The following NXN variants were observed in gnomAD, a reference collection of about 807,000 sequenced individuals.
The protein encoded by NXN is nucleoredoxin.
Under a neutral mutation model 48.6 loss-of-function variants are expected in NXN, and 16 were observed. That is an observed-to-expected ratio of 0.33 (90% confidence interval 0.22 to 0.50). The LOEUF is 0.50. Ranked by LOEUF, NXN falls within the 20% of genes least tolerant of loss-of-function variation. NXN has a pLI of 0.98. For synonymous variants in NXN, 281 were observed against 269.6 expected (o/e 1.04, Z -0.41); for missense variants, 492 against 605.5 (o/e 0.81, Z 1.97).
chr17:933,015 C>T (rs8077660), intron 1 of NXN, among the ~76,000 whole-genome samples: 22,757 of 152,040 alleles, frequency 0.15, 2,125 homozygotes, highest in South Asian at 0.27. Context: ...TTCCCACTAA[C>T]ATCAAAGGCT....
chr17:881,073 T>C (rs2068278657), intron 1 of NXN, among the ~76,000 whole-genome samples: 1 of 151,930 alleles, frequency 6.6e-6, no homozygotes, highest in Non-Finnish European at 1.5e-5. Flanking sequence ...GTCCAGAAAG[T>C]AGATAGGTGG....
At chr17:822,070 G>A (rs1374245425) in intron 4 of NXN, among the ~76,000 whole-genome samples, 1 of 152,018 alleles carries the variant, frequency 6.6e-6, no homozygotes, top group African/African-American at 2.4e-5. Flanking sequence ...CATGAGGTCA[G>A]GAGTTTGAGA....
intron 1 of NXN, among the ~76,000 whole-genome samples, chr17:840,977 G>A (rs1272512884): frequency 6.6e-6 from 1 of 152,204 alleles, no homozygotes; most frequent in Non-Finnish European, 1.5e-5. Context: ...ACGGCGGCGG[G>A]AGGCAGAGTG....
chr17:843,041 AAAGAAAGAAAGAAAG>A (rs1567829102), intron 1 of NXN, among the ~76,000 whole-genome samples: 14 of 141,476 alleles, frequency 9.9e-5, no homozygotes, highest in African/African-American at 3.3e-4. Context: ...AGAAAGAAAG[AAAGAAAGAAAGAAAG>A]AAGGAAGAAA....
At chr17:893,126 T>C (rs1178940158) in intron 1 of NXN, among the ~76,000 whole-genome samples, 1 of 152,274 alleles carries the variant, frequency 6.6e-6, no homozygotes, top group African/African-American at 2.4e-5. Flanking sequence ...ACTTGGCAGA[T>C]GCGGATGGGA....
intron 1 of NXN, among the ~76,000 whole-genome samples, chr17:960,098 A>C (rs533486287): frequency 5.9e-5 from 9 of 152,312 alleles, no homozygotes; most frequent in African/African-American, 2.2e-4. Context: ...TCTTTAAAAA[A>C]AAAATGGAAT....
intron 1 of NXN, among the ~76,000 whole-genome samples, chr17:900,813 C>T (rs148075740): frequency 6.6e-6 from 1 of 151,158 alleles, no homozygotes; most frequent in Non-Finnish European, 1.5e-5. Context: ...TCTGCAGAGA[C>T]GTTATAAATG....
chr17:826,475 CA>C (rs2144655896), intron 1 of NXN, among the ~76,000 whole-genome samples: 2 of 152,268 alleles, frequency 1.3e-5, no homozygotes, highest in Non-Finnish European at 2.9e-5. Context: ...CTAAAAATCA[CA>C]AAGATGAAGA....
intron 1 of NXN, among the ~76,000 whole-genome samples, chr17:885,246 G>C (rs529096697): frequency 5.5e-4 from 84 of 152,246 alleles, no homozygotes; most frequent in Non-Finnish European, 4.1e-4. Context: ...GGCGGATCAC[G>C]AGGTCAGAGG....
rs369414963 is a variant in NXN at position 919,971 on chromosome 17, C to G, written c.360+59348G>C. On this transcript the variant is annotated intron_variant, in intron 1 of 7. Transcript: ENST00000336868. This position sits in a 1 kb window ranked among gnomAD's most constrained non-coding sequence, Gnocchi z 5.1. ...CAGCCCCCACCGGCACCCTTGGTGC[C>G]TTCATCACCCATCCAGAGCAACTAC... 1.2e-3 allele frequency among the ~76,000 whole-genome samples: 184 copies of G among 152,278 alleles called. 9 individuals are homozygous for G. The South Asian group carries it at 0.038, about 31-fold the overall frequency.
intron 5 of NXN, 57 bp downstream of exon 5, chr17:819,382 G>T: frequency 8.4e-7 from 1 of 1,192,210 alleles, no homozygotes; most frequent in South Asian, 1.2e-5. Flanking sequence ...AAGACACGGT[G>T]AGCTCAGGTG....
intron 3 of NXN, 148 bp from the exon 4 acceptor site, chr17:822,605 G>T (rs1912877726): frequency 1.6e-6 from 1 of 607,552 alleles, no homozygotes; most frequent in Admixed American, 2.7e-5. Flanking sequence ...GATGGGTATG[G>T]TGGCTACCTG....
intron 1 of NXN, chr17:897,101 G>A (rs960126863): frequency 1.9e-5 from 19 of 1,016,222 alleles, no homozygotes; most frequent in East Asian, 2.2e-4. Flanking sequence ...CGGCCACCGC[G>A]CCCAAGAAAA....
intron 1 of NXN, among the ~76,000 whole-genome samples, chr17:839,366 C>T (rs140673836): frequency 2.0e-5 from 3 of 151,776 alleles, no homozygotes; most frequent in African/African-American, 4.8e-5. Context: ...ACCTGGGAGG[C>T]GGAGGTTGCA....
In NXN at chr17:958,843, G is replaced by A. The variant is rs1003694629; in HGVS notation, c.360+20476C>T. On this transcript the variant is annotated intron_variant, in intron 1 of 7. Transcript: ENST00000336868. This position sits in a 1 kb window ranked among gnomAD's most constrained non-coding sequence, Gnocchi z 6.9. The stretch of plus-strand genomic sequence containing the variant: ...GCTTCTCAGGGGGCTGAGGTGGGAG[G>A]ATCGCTTGAGCCCAGGAGGTCAGGG... 1.7e-4 allele frequency among the ~76,000 whole-genome samples: 26 copies of A among 152,200 alleles called. No individual in the cohort carries two copies. Among genetic ancestry groups the A allele is most frequent in the Admixed American group, 1.4e-3 (21 of 15,276 alleles).
At chr17:843,136 G>A (rs956050131) in intron 1 of NXN, among the ~76,000 whole-genome samples, 2 of 152,162 alleles carry the variant, frequency 1.3e-5, no homozygotes, top group African/African-American at 4.8e-5. Flanking sequence ...TTAAAATAAT[G>A]GCCACGAATG....
chr17:906,582 T>G (rs1298234026), intron 1 of NXN, among the ~76,000 whole-genome samples: 1 of 151,150 alleles, frequency 6.6e-6, no homozygotes, highest in Non-Finnish European at 1.5e-5. Context: ...GTTTTTTTTT[T>G]TTTTGAGACA....
At chr17:896,926 T>A in intron 1 of NXN, 1 of 1,249,538 alleles carries the variant, frequency 8.0e-7, no homozygotes, top group African/African-American at 1.6e-5. Context: ...AATATTCTTC[T>A]TTTTTTCCCA....
At chr17:867,367 G>A (rs2068104886) in intron 1 of NXN, among the ~76,000 whole-genome samples, 3 of 148,204 alleles carry the variant, frequency 2.0e-5, no homozygotes, top group Non-Finnish European at 4.5e-5. Flanking sequence ...GGGGTTCTCC[G>A]GGGAATTCTC....
Sources: gnomAD v4.1 joint callset for allele counts (sites outside exome capture counted in the v4.1 genomes callset) on GRCh38, gnomAD v4.1.1 for gene constraint, Gnocchi (gnomAD v3.1) non-coding constraint, MANE v1.5 for transcripts, NCBI Gene and HGNC (gene_info 2026-07-23, HGNC 2026-07-21) for gene names.